Variants in KRT25 observed in about 807,000 individuals in gnomAD.
KRT25 encodes the protein keratin 25.
A neutral mutation model predicts 47.6 loss-of-function variants in KRT25; 37 were observed. That is an observed-to-expected ratio of 0.78 (90% CI 0.60 to 1.02). The LOEUF (loss-of-function observed/expected upper bound fraction) is 1.02. Among genes scored for constraint, KRT25 ranks in the 50% least tolerant of loss-of-function variants. The pLI, the probability that KRT25 is intolerant of heterozygous loss-of-function variation, is 0.00. For missense variants in KRT25, 542 were observed against 550.3 expected, an observed-to-expected ratio of 0.98 and a Z score of 0.15; for synonymous variants, 203 against 210.2, an observed-to-expected ratio of 0.97 and a Z score of 0.30.
intron 6 of KRT25, among the ~76,000 whole-genome samples, 165 bp downstream of exon 6, chr17:40,750,215 A>G (rs1390626852): frequency 1.3e-5 from 2 of 152,202 alleles, no homozygotes; most frequent in Non-Finnish European, 2.9e-5. Context: ...GGTTTAAGAT[A>G]TTAATTTGTA....
rs1174817808 is a variant in KRT25, at chr17:40,751,331, A to G, written c.670-5T>C. ...GCACTGCAGAACTTGCATTTCCTAG[A>G]GGCAGAAAAGTGTTCTGCTCAGCTC... On this transcript the variant is annotated splice_polypyrimidine_tract_variant and splice_region_variant and intron_variant, in intron 3 of 7. Transcript: ENST00000312150. 5.0e-6 allele frequency: 8 copies of G among 1,605,900 alleles called. No homozygotes were observed. The highest frequency in any genetic ancestry group is 6.0e-6 in the Non-Finnish European group (7 of 1,176,460).
chr17:40,755,443 A>G (rs1450650253), upstream of KRT25: 34 of 609,948 alleles, frequency 5.6e-5, no homozygotes, highest in Non-Finnish European at 9.5e-5. Context: ...AGTTGGCATA[A>G]TTGGGTGATT....
chr17:40,749,585 C>T (rs2038027609), intron 6 of KRT25, among the ~76,000 whole-genome samples: 2 of 152,204 alleles, frequency 1.3e-5, no homozygotes, highest in Admixed American at 1.3e-4. Flanking sequence ...GCAGTTCTAG[C>T]ATGCCACTGG....
intron 2 of KRT25, 64 bp from the exon 3 acceptor site, chr17:40,754,080 AT>A: frequency 2.0e-6 from 3 of 1,473,614 alleles, no homozygotes; most frequent in Non-Finnish European, 9.4e-7. Flanking sequence ...CTAGTCACTG[AT>A]CAATGACAAA....
chr17:40,754,362 A>G (rs2038084239), intron 2 of KRT25, 24 bp downstream of exon 2: 6 of 1,594,368 alleles, frequency 3.8e-6, no homozygotes, highest in South Asian at 1.1e-5. Flanking sequence ...CCATGAATTC[A>G]TTTCACTCTG....
intron 1 of KRT25, among the ~76,000 whole-genome samples, 167 bp from the exon 2 acceptor site, chr17:40,754,635 T>C (rs1332369057): frequency 6.7e-6 from 1 of 150,134 alleles, no homozygotes; most frequent in Non-Finnish European, 1.5e-5. Context: ...GGAGAATCTC[T>C]TGAACCCAGG....
At chr17:40,754,545 G>T in intron 1 of KRT25, 77 bp from the exon 2 acceptor site, 1 of 1,332,570 alleles carries the variant, frequency 7.5e-7, no homozygotes, top group Non-Finnish European at 1.1e-6. Flanking sequence ...ATGCTAAATT[G>T]GAATTCTCTT....
In KRT25 at chr17:40,750,587, A is replaced by T; in HGVS notation, c.968T>A (p.Leu323Gln). 1 of 1,614,214 alleles carries T rather than the reference A, an allele frequency of 6.2e-7. No homozygotes were observed. The highest frequency in any genetic ancestry group is 8.5e-7 in the Non-Finnish European group (1 of 1,180,024). Residue 323 changes from leucine to glutamine, a missense_variant, in exon 6 of 8, where the codon CTG (leucine) becomes CAG (glutamine). Transcript: ENST00000312150. Reference protein sequence around the residue: ...LQSLLATKHSLECSLTETESN... With the variant: ...LQSLLATKHSQECSLTETESN... ...CTCGGTCTCTGTCAAGGAGCACTCC[A>T]GGGAGTGTTTCTGTCAGGAAGCAAT...
In KRT25 at chr17:40,754,378, C is replaced by T; in HGVS notation, c.512+8G>A. 1.2e-6 allele frequency: 2 copies of T among 1,609,248 alleles called. No individual in the cohort carries two copies. Among genetic ancestry groups the T allele is most frequent in the Non-Finnish European group, 1.7e-6 (2 of 1,175,770 alleles). ...CATGAATTCATTTCACTCTGGCAGT[C>T]TACTTACTTGAGTCTGAAATCATCA... On this transcript the variant is annotated splice_region_variant and intron_variant, in intron 2 of 7. Coordinates refer to ENST00000312150, the MANE Select transcript of KRT25 (RefSeq NM_181534.4).
intron 6 of KRT25, among the ~76,000 whole-genome samples, chr17:40,750,038 A>G (rs1224761381): frequency 6.6e-6 from 1 of 152,152 alleles, no homozygotes; most frequent in African/African-American, 2.4e-5. Flanking sequence ...GGACTTTATC[A>G]GTGCTATGAA....
chr17:40,755,479 T>C (rs56196647), upstream of KRT25: 15,855 of 556,266 alleles, frequency 0.029, 300 homozygotes, highest in Middle Eastern at 0.055. Context: ...CTCACTTTGC[T>C]GGGCTCATTC....
At chr17:40,750,342 C>T in intron 6 of KRT25, 38 bp downstream of exon 6, 1 of 1,600,570 alleles carries the variant, frequency 6.2e-7, no homozygotes. Flanking sequence ...AAGCAGATTT[C>T]AGTATATTAC....
At chr17:40,752,662 A>G (rs936857604) in intron 3 of KRT25, among the ~76,000 whole-genome samples, 1 of 152,216 alleles carries the variant, frequency 6.6e-6, no homozygotes, top group South Asian at 2.1e-4. Context: ...TTGCCTGTAA[A>G]TGAGGCATTA....
At chr17:40,749,436 T>G in intron 6 of KRT25, 111 bp from the exon 7 acceptor site, 1 of 799,996 alleles carries the variant, frequency 1.3e-6, no homozygotes, top group Admixed American at 2.2e-5. Context: ...ACCCAGTATT[T>G]GATTTATAGT....
rs766864349 is a variant in KRT25, at chr17:40,754,491, T to C, written c.430-23A>G. The C allele has an allele frequency of 7.6e-6, 12 of 1,585,672 alleles. No individual in the cohort carries two copies. The East Asian group carries it at 2.5e-4, about 33-fold the overall frequency. ...GATCTAGAAATGGGAATTTGACTTT[T>C]ATCATGAAGTAAACCAACTGAATCT... is the stretch of plus-strand genomic sequence containing the variant. On this transcript the variant is annotated intron_variant, in intron 1 of 7. Transcript: ENST00000312150.
rs1348480625 is a variant in KRT25 at position 40,755,236 on chromosome 17, G to A, written c.36C>T (p.Ser12=). ...GTGATCCAGTGGTGGGACGAGGACA[G>A]GACCTCCTGGATGCACTGGAAAGTC... ...SLRLSSASRR[S]CPRPTTGSLR... Residue 12 remains serine (S), a synonymous_variant, in exon 1 of 8, where the codon TCC becomes TCT. Coordinates refer to ENST00000312150, the MANE Select transcript of KRT25 (RefSeq NM_181534.4). 6.2e-7 allele frequency: 1 copy of A among 1,614,054 alleles called. No homozygotes were observed. Among genetic ancestry groups the A allele is most frequent in the African/African-American group, 1.3e-5 (1 of 75,060 alleles).
chr17:40,751,464 A>ATACTTCCTGTCCCGTTGACC, intron 3 of KRT25, 138 bp from the exon 4 acceptor site: 1 of 877,348 alleles, frequency 1.1e-6, no homozygotes, highest in East Asian at 2.7e-5. Context: ...ACCACATTTG[A>ATACTTCCTGTCCCGTTGACC]TACTTCCTGT....
chr17:40,750,731 CTG>C (rs1268668129), intron 5 of KRT25, 134 bp from the exon 6 acceptor site: 2 of 1,337,574 alleles, frequency 1.5e-6, no homozygotes, highest in Non-Finnish European at 2.0e-6. Context: ...AGTTAAGACT[CTG>C]TGATACTGCT....
In KRT25 at chr17:40,750,874, G is replaced by C. The variant is rs2038039520; in HGVS notation, c.957+80C>G. 7.3e-6 allele frequency: 11 copies of C among 1,504,038 alleles called. No individual in the cohort carries two copies. In the Admixed American group the frequency reaches 1.3e-4, roughly 18 times the overall value. 93.2% of individuals were successfully genotyped at this position (1,504,038 alleles called of 1,614,324 possible). A position where few individuals can be genotyped will look rare whatever the true frequency, so the allele number is the denominator to read the frequency against. On this transcript the variant is annotated intron_variant, in intron 5 of 7. Coordinates refer to ENST00000312150, the MANE Select transcript of KRT25 (RefSeq NM_181534.4). ...TTATAAACAAATATATTTCAATATT[G>C]TTAAGGTTTTTAAAACCAGCTGGCA...
Sources: allele counts gnomAD v4.1 joint callset (sites outside exome capture counted in the v4.1 genomes callset), GRCh38; gene constraint gnomAD v4.1.1; transcripts MANE v1.5; gene names NCBI Gene and HGNC (gene_info 2026-07-23, HGNC 2026-07-21).